The following CCSER1 variants were observed in gnomAD, a reference collection of about 807,000 sequenced individuals.
CCSER1 encodes the protein serine-rich coiled-coil domain-containing protein 1.
In CCSER1, 41 loss-of-function variants were observed where a neutral mutation model predicts 82.0. The observed-to-expected ratio is 0.50, with a 90% confidence interval of 0.39 to 0.65. The LOEUF is 0.65. Among genes scored for constraint, CCSER1 ranks in the 30% least tolerant of loss-of-function variants. CCSER1 has a pLI of 0.00. For synonymous variants in CCSER1, 414 were observed against 383.9 expected, an observed-to-expected ratio of 1.08 and a Z score of -0.92; for missense variants, 1,119 against 1,064.2, an observed-to-expected ratio of 1.05 and a Z score of -0.72.
chr4:91,490,611 G>C (rs1196002484), intron 10 of CCSER1, among the ~76,000 whole-genome samples: 1 of 151,406 alleles, frequency 6.6e-6, no homozygotes, highest in Non-Finnish European at 1.5e-5. Flanking sequence ...GTATTGGGGT[G>C]GGAGGAAGTA....
chr4:90,997,140 C>T (rs1737569818), intron 9 of CCSER1, among the ~76,000 whole-genome samples: 1 of 152,200 alleles, frequency 6.6e-6, no homozygotes, highest in South Asian at 2.1e-4. Context: ...ATCTCAGTGG[C>T]CTAAAATCAA....
At chr4:90,537,102 T>G (rs766407508) in intron 5 of CCSER1, among the ~76,000 whole-genome samples, 18 of 152,204 alleles carry the variant, frequency 1.2e-4, no homozygotes, top group Non-Finnish European at 2.6e-4. Context: ...CAGAGTAATT[T>G]TCTGAGTTAA....
At chr4:90,979,286 AT>A (rs1185622157) in intron 9 of CCSER1, among the ~76,000 whole-genome samples, 1 of 151,662 alleles carries the variant, frequency 6.6e-6, no homozygotes, top group Non-Finnish European at 1.5e-5. Context: ...TCATTCAGTC[AT>A]TCATCAAAGA....
At chr4:91,382,169 G>A (rs373427080) in intron 10 of CCSER1, among the ~76,000 whole-genome samples, 5 of 152,192 alleles carry the variant, frequency 3.3e-5, no homozygotes, top group African/African-American at 1.2e-4. Flanking sequence ...TGCCTCTACT[G>A]GGGGGTTCCT....
chr4:91,208,870 G>C (rs1470067688), intron 10 of CCSER1, among the ~76,000 whole-genome samples: 1 of 151,862 alleles, frequency 6.6e-6, no homozygotes, highest in Non-Finnish European at 1.5e-5. Flanking sequence ...CCATTTGTTT[G>C]TGTCATCTCT....
chr4:91,303,172 G>A (rs1020485698), intron 10 of CCSER1, among the ~76,000 whole-genome samples: 6 of 152,034 alleles, frequency 3.9e-5, no homozygotes, highest in Non-Finnish European at 7.4e-5. Flanking sequence ...GTCACCTGAT[G>A]CATGACAAGA....
At chr4:90,399,484 T>C (rs1752500344) in intron 3 of CCSER1, among the ~76,000 whole-genome samples, 1 of 152,066 alleles carries the variant, frequency 6.6e-6, no homozygotes. Context: ...TTCACAGTTG[T>C]CACAATATAC....
intron 1 of CCSER1, among the ~76,000 whole-genome samples, chr4:90,246,671 A>G (rs1721459710): frequency 6.6e-6 from 1 of 152,158 alleles, no homozygotes; most frequent in South Asian, 2.1e-4. Context: ...CATAAAGCAT[A>G]CTTTCTAATT....
At chr4:91,286,852 T>C (rs968081545) in intron 10 of CCSER1, among the ~76,000 whole-genome samples, 3 of 151,900 alleles carry the variant, frequency 2.0e-5, no homozygotes, top group African/African-American at 7.2e-5. Context: ...AAATTAAATG[T>C]AGGTCACATG....
At chr4:90,725,052 A>G (rs1263879841) in intron 7 of CCSER1, 1 of 431,382 alleles carries the variant, frequency 2.3e-6, no homozygotes, top group African/African-American at 2.0e-5. Flanking sequence ...CTAATTGTTA[A>G]ATACTGAATG....
At chr4:91,255,869 C>T (rs572857538) in intron 10 of CCSER1, among the ~76,000 whole-genome samples, 4 of 152,222 alleles carry the variant, frequency 2.6e-5, no homozygotes, top group East Asian at 1.9e-4. Context: ...CACCTCAGGA[C>T]CCTGTGATGA....
intron 10 of CCSER1, among the ~76,000 whole-genome samples, chr4:91,294,362 G>A (rs760264696): frequency 4.6e-5 from 7 of 151,758 alleles, no homozygotes; most frequent in Non-Finnish European, 7.4e-5. Context: ...GACTTAATAC[G>A]TTATTTAATC....
Position 90,551,706 on chromosome 4 carries a change from C to CTCTCTCTCTCTCTCTATATATATATA in CCSER1, c.1725-76318_1725-76317insCTCTCTCTCTCTCTATATATATATAT. 5.8e-5 allele frequency among the ~76,000 whole-genome samples: 6 copies of CTCTCTCTCTCTCTCTATATATATATA among 104,238 alleles called. 1 individual carries two copies. Among genetic ancestry groups the CTCTCTCTCTCTCTCTATATATATATA allele is most frequent in the African/African-American group, 1.8e-4 (4 of 21,932 alleles). The allele number at this position is 104,238 out of a possible 152,430, so 68.4% of individuals were successfully genotyped here. On this transcript the variant is annotated intron_variant, in intron 5 of 10. Coordinates refer to ENST00000509176, the MANE Select transcript of CCSER1 (RefSeq NM_001145065.2). ...TCTCTCTCTCTCTCTCTCTCTCTCT[C>CTCTCTCTCTCTCTCTATATATATATA]TATATATATATATATATATATGTAA... is the stretch of plus-strand genomic sequence containing the variant.
At chr4:91,195,530 G>A (rs900219202) in intron 10 of CCSER1, among the ~76,000 whole-genome samples, 50 of 151,924 alleles carry the variant, frequency 3.3e-4, no homozygotes, top group African/African-American at 1.1e-3. Flanking sequence ...AATATAATTC[G>A]CAATTAACTG....
chr4:90,857,736 C>A (rs1159292211), intron 8 of CCSER1, among the ~76,000 whole-genome samples: 2 of 151,858 alleles, frequency 1.3e-5, no homozygotes, highest in Admixed American at 1.3e-4. Flanking sequence ...TGAAGAACAA[C>A]AGGAGAAATG....
chr4:91,011,898 CAAT>C (rs1739032831), intron 9 of CCSER1, among the ~76,000 whole-genome samples: 2 of 134,458 alleles, frequency 1.5e-5, no homozygotes, highest in Admixed American at 7.3e-5. Context: ...GGGAGCAGCA[CAAT>C]AATGACTTCA....
rs149596326 is a variant in CCSER1, at chr4:90,774,554, A to G, written c.2011-41208A>G. Among the ~76,000 whole-genome samples, 689 of 152,264 alleles carry G rather than the reference A, an allele frequency of 4.5e-3. 2 individuals carry two copies. The highest frequency in any genetic ancestry group is 7.9e-3 in the Non-Finnish European group (540 of 67,990). On this transcript the variant is annotated intron_variant, in intron 7 of 10. Coordinates refer to ENST00000509176, the MANE Select transcript of CCSER1 (RefSeq NM_001145065.2). The stretch of plus-strand genomic sequence containing the variant: ...ATGAGCCTAGTACCTGTATGCCACA[A>G]CAGTATTTTAAAGTACTGTACTTTG...
intron 4 of CCSER1, among the ~76,000 whole-genome samples, chr4:90,433,660 TTACTA>T (rs1578442805): frequency 6.6e-6 from 1 of 152,116 alleles, no homozygotes; most frequent in African/African-American, 2.4e-5. Context: ...GTCAGGCTCT[TTACTA>T]TAATGCTATA....
intron 7 of CCSER1, among the ~76,000 whole-genome samples, chr4:90,799,475 G>A (rs186775864): frequency 2.3e-4 from 35 of 152,182 alleles, no homozygotes; most frequent in Admixed American, 7.2e-4. Context: ...GTGTGTGGCC[G>A]TAGGCGTCGT....
Sources: gnomAD v4.1 joint callset for allele counts (sites outside exome capture counted in the v4.1 genomes callset) on GRCh38, gnomAD v4.1.1 for gene constraint, MANE v1.5 for transcripts, NCBI Gene and HGNC (gene_info 2026-07-23, HGNC 2026-07-21) for gene names.